Variants in ANK1 observed in about 807,000 individuals in gnomAD.
The protein encoded by ANK1 is ankyrin-1.
Under a neutral mutation model 210.4 loss-of-function variants are expected in ANK1, and 51 were observed. The ratio of observed to expected loss-of-function variants is 0.24; its 90% confidence interval spans 0.19 to 0.31. The LOEUF is 0.31. ANK1 is among the 10% of genes least tolerant of loss of function. The pLI, the probability that ANK1 is intolerant of heterozygous loss-of-function variation, is 1.00. For synonymous variants in ANK1, 967 were observed against 1,025.9 expected (o/e 0.94, Z 1.10); for missense variants, 2,051 against 2,504.4 (o/e 0.82, Z 3.86).
At chr8:41,681,889 C>T (rs1291278966) in intron 37 of ANK1, among the ~76,000 whole-genome samples, 1 of 152,230 alleles carries the variant, frequency 6.6e-6, no homozygotes, top group Admixed American at 6.5e-5. Flanking sequence ...GTGCATGAGT[C>T]TGCTGGGGCA....
rs1264919212 is a variant in ANK1 at position 41,694,628 on chromosome 8, C to T, written c.3291G>A (p.Glu1097=). The change falls in exon 28 of 43, where the codon GAG becomes GAA. Residue 1097 remains glutamate, a synonymous_variant. Transcript: ENST00000289734. The surrounding 1 kb of genome is among the most constrained non-coding windows in gnomAD (Gnocchi z 5.7). ...LVPLVQATFP[E]NAVTKRVKLA... ...GCTTCACTCTCTTGGTGACGGCATT[C>T]TCCGGGAACGTTGCCTGTACCAGGG... 1 of 1,614,038 alleles carries T rather than the reference C, an allele frequency of 6.2e-7. No homozygotes were observed. The highest frequency in any genetic ancestry group is 8.5e-7 in the Non-Finnish European group (1 of 1,180,022).
At chr8:41,791,348 T>G (rs1286160198) in intron 1 of ANK1, among the ~76,000 whole-genome samples, 1 of 151,234 alleles carries the variant, frequency 6.6e-6, no homozygotes, top group African/African-American at 2.4e-5. Context: ...ATTTTTGTAT[T>G]TTTAGAGATG....
At chr8:41,776,872 C>T (rs1358485442) in intron 1 of ANK1, among the ~76,000 whole-genome samples, 1 of 152,230 alleles carries the variant, frequency 6.6e-6, no homozygotes, top group African/African-American at 2.4e-5. Flanking sequence ...AACACCTTGG[C>T]GTCAGCCCTC....
At chr8:41,886,235 A>G (rs1035431234) in intron 1 of ANK1, among the ~76,000 whole-genome samples, 3 of 152,152 alleles carry the variant, frequency 2.0e-5, no homozygotes, top group African/African-American at 7.2e-5. Context: ...CCCAAGGTGG[A>G]TATGGGTGGG....
rs79227184 is a variant in ANK1 at position 41,655,934 on chromosome 8, C to T, written c.*37-181G>A. 0.051 allele frequency among the ~76,000 whole-genome samples: 7,772 copies of T among 152,344 alleles called. 266 individuals are homozygous for T. The highest frequency in any genetic ancestry group is 0.1 in the African/African-American group (4,158 of 41,566). ...CTTGCAGCCCGACTTCCTGAGATGC[C>T]GCCCTCCTTCTCTTGCTCCCTATGC... is the stretch of plus-strand genomic sequence containing the variant. On this transcript the variant is annotated intron_variant, in intron 42 of 42. Coordinates refer to ENST00000289734, the MANE Select transcript of ANK1 (RefSeq NM_000037.4).
At chr8:41,683,814 T>C (rs1586046594) in intron 37 of ANK1, among the ~76,000 whole-genome samples, 1 of 151,890 alleles carries the variant, frequency 6.6e-6, no homozygotes, top group East Asian at 1.9e-4. Flanking sequence ...GCGAGGAAGG[T>C]GTTGCGAGGG....
chr8:41,713,257 T>C (rs2150630032), intron 16 of ANK1, among the ~76,000 whole-genome samples: 1 of 152,348 alleles, frequency 6.6e-6, no homozygotes, highest in East Asian at 1.9e-4. Context: ...GTGCGGGTAC[T>C]GCGTGTGGCT....
chr8:41,791,008 G>C (rs1051686568), intron 1 of ANK1, among the ~76,000 whole-genome samples: 2 of 152,114 alleles, frequency 1.3e-5, no homozygotes, highest in African/African-American at 4.8e-5. Flanking sequence ...GGTTGCCAGA[G>C]TGGGCTGACA....
chr8:41,773,525 C>A (rs758729830), intron 1 of ANK1, among the ~76,000 whole-genome samples: 99 of 152,144 alleles, frequency 6.5e-4, no homozygotes, highest in Admixed American at 5.2e-4. Context: ...GGTTACAGGC[C>A]CACTCTTTGG....
At chr8:41,866,830 G>A (rs948550458) in intron 1 of ANK1, among the ~76,000 whole-genome samples, 3 of 152,122 alleles carry the variant, frequency 2.0e-5, no homozygotes, top group Non-Finnish European at 2.9e-5. Flanking sequence ...GTATGTATAC[G>A]CTGCATTTTC....
intron 1 of ANK1, among the ~76,000 whole-genome samples, chr8:41,836,097 G>A (rs984171129): frequency 1.3e-5 from 2 of 152,328 alleles, no homozygotes; most frequent in East Asian, 3.9e-4. Flanking sequence ...TCTCAGGGAC[G>A]ACACAGCTGT....
At chr8:41,848,873 C>T (rs971087677) in intron 1 of ANK1, among the ~76,000 whole-genome samples, 4 of 152,162 alleles carry the variant, frequency 2.6e-5, no homozygotes, top group Non-Finnish European at 5.9e-5. Context: ...AGCCCATTCC[C>T]CACTGCAGGG....
At chr8:41,868,457 C>A (rs1019621411) in intron 1 of ANK1, among the ~76,000 whole-genome samples, 1 of 152,224 alleles carries the variant, frequency 6.6e-6, no homozygotes, top group Non-Finnish European at 1.5e-5. Context: ...ATTATTCAGG[C>A]GTGGTTTGTC....
chr8:41,807,339 C>T (rs1479380930), intron 1 of ANK1, among the ~76,000 whole-genome samples: 1 of 152,212 alleles, frequency 6.6e-6, no homozygotes, highest in Admixed American at 6.5e-5. Context: ...TCATGCTTAA[C>T]CATGACACTA....
intron 1 of ANK1, among the ~76,000 whole-genome samples, chr8:41,864,877 A>G (rs1226634788): frequency 6.6e-6 from 1 of 152,230 alleles, no homozygotes; most frequent in East Asian, 1.9e-4. Context: ...GCATATCTTC[A>G]TAAGCATTTC....
chr8:41,860,494 A>G (rs1813077388), intron 1 of ANK1, among the ~76,000 whole-genome samples: 1 of 152,226 alleles, frequency 6.6e-6, no homozygotes, highest in African/African-American at 2.4e-5. Context: ...TGAGAGATCC[A>G]GGTGCTAAGA....
chr8:41,768,733 G>A (rs577151493), intron 1 of ANK1, among the ~76,000 whole-genome samples: 15 of 152,010 alleles, frequency 9.9e-5, no homozygotes, highest in Admixed American at 2.6e-4. Context: ...AGGCTGAGGC[G>A]GGGGGATTGC....
intron 1 of ANK1, among the ~76,000 whole-genome samples, chr8:41,840,804 G>C (rs1808750587): frequency 1.3e-5 from 2 of 152,210 alleles, no homozygotes; most frequent in Non-Finnish European, 2.9e-5. Context: ...AATTCCATAA[G>C]AGTATATCAA....
At chr8:41,829,168 A>C (rs1211095281) in intron 1 of ANK1, 3 of 152,230 alleles carry the variant, frequency 2.0e-5, no homozygotes, top group Non-Finnish European at 4.4e-5. Context: ...TTGGGACAGC[A>C]CTGTGCAAGA....
Sources: allele counts gnomAD v4.1 joint callset (sites outside exome capture counted in the v4.1 genomes callset), GRCh38; gene constraint gnomAD v4.1.1; non-coding constraint Gnocchi (gnomAD v3.1); transcripts MANE v1.5; gene names NCBI Gene and HGNC (gene_info 2026-07-23, HGNC 2026-07-21).